The following PAQR8 variants were observed in gnomAD, a reference collection of about 807,000 sequenced individuals.
The protein encoded by PAQR8 is membrane progestin receptor beta.
In PAQR8, 17 loss-of-function variants were observed where a neutral mutation model predicts 25.2. That is an observed-to-expected ratio of 0.67 (90% confidence interval 0.46 to 1.01). PAQR8 has a LOEUF of 1.01. Ranked by LOEUF, PAQR8 falls within the 50% of genes least tolerant of loss-of-function variation. The probability of loss-of-function intolerance (pLI) is 0.00; values close to 1 mark genes in which losing one functional copy is unlikely to be tolerated. For synonymous variants in PAQR8, 204 were observed against 190.6 expected, an observed-to-expected ratio of 1.07 and a Z score of -0.58; for missense variants, 392 against 448.4, an observed-to-expected ratio of 0.87 and a Z score of 1.14.
intron 1 of PAQR8, among the ~76,000 whole-genome samples, chr6:52,376,731 A>G (rs1163213292): frequency 6.6e-6 from 1 of 152,190 alleles, no homozygotes; most frequent in Non-Finnish European, 1.5e-5. Context: ...CTTCTGGCTT[A>G]CTGTTGTTCT....
At chr6:52,396,167 C>T (rs1763765051) in intron 1 of PAQR8, among the ~76,000 whole-genome samples, 1 of 152,204 alleles carries the variant, frequency 6.6e-6, no homozygotes, top group Non-Finnish European at 1.5e-5. Context: ...ACGAACCCAG[C>T]TCCATGAATG....
chr6:52,399,007 G>C (rs559987756), intron 1 of PAQR8, among the ~76,000 whole-genome samples: 2 of 152,214 alleles, frequency 1.3e-5, no homozygotes, highest in African/African-American at 4.8e-5. Flanking sequence ...CACACTCCAG[G>C]GGGTGGAGTT....
chr6:52,371,417 A>G (rs1052520010), intron 1 of PAQR8, among the ~76,000 whole-genome samples: 1 of 152,148 alleles, frequency 6.6e-6, no homozygotes, highest in Non-Finnish European at 1.5e-5. Flanking sequence ...TTTACTGTCT[A>G]TAAAAGAAGC....
chr6:52,383,840 A>C (rs1458498092), intron 1 of PAQR8, among the ~76,000 whole-genome samples: 1 of 152,136 alleles, frequency 6.6e-6, no homozygotes, highest in Non-Finnish European at 1.5e-5. Flanking sequence ...CAGGAATGTA[A>C]GCTTTAGTTG....
At chr6:52,395,204 C>G (rs1367045682) in intron 1 of PAQR8, among the ~76,000 whole-genome samples, 2 of 140,856 alleles carry the variant, frequency 1.4e-5, no homozygotes, top group African/African-American at 5.3e-5. Context: ...ACCCGGGAGG[C>G]GGAGGTTGCA....
chr6:52,364,090 T>TC (rs975046452), intron 1 of PAQR8, among the ~76,000 whole-genome samples: 3 of 143,762 alleles, frequency 2.1e-5, no homozygotes, highest in African/African-American at 7.7e-5. Context: ...TATGTTTTTT[T>TC]TTTTTTTTTT....
chr6:52,379,700 C>T (rs575089334), intron 1 of PAQR8, among the ~76,000 whole-genome samples: 8 of 147,020 alleles, frequency 5.4e-5, no homozygotes, highest in Non-Finnish European at 1.0e-4. Flanking sequence ...GATCTCGGCT[C>T]ACTGCGAGCT....
chr6:52,382,148 A>G (rs959118537), intron 1 of PAQR8, among the ~76,000 whole-genome samples: 5 of 152,226 alleles, frequency 3.3e-5, no homozygotes, highest in South Asian at 2.1e-4. Flanking sequence ...CTACAGAACA[A>G]GGTTGTATAT....
chr6:52,369,367 T>C (rs1203815167), intron 1 of PAQR8, among the ~76,000 whole-genome samples: 1 of 152,000 alleles, frequency 6.6e-6, no homozygotes, highest in Non-Finnish European at 1.5e-5. Context: ...ACAGTAGAGG[T>C]GGTGACATTT....
chr6:52,399,226 G>A (rs1401600082), intron 1 of PAQR8, among the ~76,000 whole-genome samples: 1 of 152,076 alleles, frequency 6.6e-6, no homozygotes, highest in Non-Finnish European at 1.5e-5. Context: ...ATAATTTCCA[G>A]AAAATAACTT....
chr6:52,385,435 C>G lies in PAQR8; in HGVS notation c.-52-17727C>G, dbSNP rs146456050. ...AATAGACTAATACAATGTAAGACCTCAAACTATAAACATCCTTCAAGAAAA... is the reference window on the plus strand; with the variant it reads ...AATAGACTAATACAATGTAAGACCTGAAACTATAAACATCCTTCAAGAAAA... On this transcript the variant is annotated intron_variant, in intron 1 of 1. Transcript: ENST00000442253. 2.3e-3 allele frequency among the ~76,000 whole-genome samples: 355 copies of G among 152,300 alleles called. 3 individuals are homozygous for G. The highest frequency in any genetic ancestry group is 4.8e-3 in the Admixed American group (73 of 15,302).
At chr6:52,364,926 T>C (rs991049738) in intron 1 of PAQR8, among the ~76,000 whole-genome samples, 5 of 152,210 alleles carry the variant, frequency 3.3e-5, no homozygotes, top group African/African-American at 1.2e-4. Context: ...CTTAACTACT[T>C]TGAAGCACAA....
In PAQR8 at chr6:52,404,935, G is replaced by A. The variant is rs80028877; in HGVS notation, c.*657G>A. The A allele has an allele frequency of 6.0e-6, 1 of 167,010 alleles. No homozygotes were observed. The highest frequency in any genetic ancestry group is 1.5e-5 in the Non-Finnish European group (1 of 68,238). 10.3% of individuals were successfully genotyped at this position (167,010 alleles called of 1,614,324 possible). On this transcript the variant is annotated 3_prime_UTR_variant, in exon 2 of 2. Transcript: ENST00000442253. ...CCTTGCATGGTAATATAAAGGACTA[G>A]GAAGCAGTCATACTTCCAGGAAATG...
At position 52,407,678 on chromosome 6, in the gene PAQR8, C is replaced by CAAAAA. The variant is rs5876275; in HGVS notation, c.*3428_*3432dup. On this transcript the variant is annotated 3_prime_UTR_variant, in exon 2 of 2. Transcript: ENST00000442253. ...TTGGTCTTGTGTTTTGCTTGCTTGG[C>CAAAAA]AAAAAAAAAAAAAAAAAAAAAAAAA... 1.3e-3 allele frequency: 98 copies of CAAAAA among 72,818 alleles called. 8 individuals are homozygous for CAAAAA. The highest frequency in any genetic ancestry group is 8.6e-3 in the East Asian group (17 of 1,984). 4.5% of individuals were successfully genotyped at this position (72,818 alleles called of 1,614,324 possible). A position where few individuals can be genotyped will look rare whatever the true frequency, so the allele number is the denominator to read the frequency against.
At chr6:52,392,397 A>G (rs1404262049) in intron 1 of PAQR8, among the ~76,000 whole-genome samples, 1 of 151,682 alleles carries the variant, frequency 6.6e-6, no homozygotes, top group Non-Finnish European at 1.5e-5. Context: ...AAACATTGGG[A>G]CTTCTAATTT....
rs1189258087 is a variant in PAQR8, at chr6:52,405,856, G to GA, written c.*1584dup. ...TTTCTGTTCTGGGTTATTGGGATAA[G>GA]AAAAAATATATATTGCTCTTCAACT... On this transcript the variant is annotated 3_prime_UTR_variant, in exon 2 of 2. Transcript: ENST00000442253. The GA allele has an allele frequency of 6.0e-6, 1 of 167,022 alleles. No homozygotes were observed. The highest frequency in any genetic ancestry group is 2.4e-5 in the African/African-American group (1 of 41,550). 10.3% of individuals were successfully genotyped at this position (167,022 alleles called of 1,614,324 possible).
chr6:52,390,676 A>G (rs1168164557), intron 1 of PAQR8, among the ~76,000 whole-genome samples: 3 of 152,168 alleles, frequency 2.0e-5, no homozygotes, highest in African/African-American at 7.2e-5. Flanking sequence ...ATCTAAGAGA[A>G]CATCTTTGCT....
At chr6:52,400,996 C>G (rs1763823569) in intron 1 of PAQR8, among the ~76,000 whole-genome samples, 1 of 152,194 alleles carries the variant, frequency 6.6e-6, no homozygotes, top group Non-Finnish European at 1.5e-5. Flanking sequence ...TTTAGACCCT[C>G]TCATTTAACT....
At chr6:52,389,947 C>G (rs749445482) in intron 1 of PAQR8, among the ~76,000 whole-genome samples, 1 of 152,166 alleles carries the variant, frequency 6.6e-6, no homozygotes, top group Non-Finnish European at 1.5e-5. Context: ...TGAAGCCAAA[C>G]CACACCTAAC....
Sources: allele counts gnomAD v4.1 joint callset (sites outside exome capture counted in the v4.1 genomes callset), GRCh38; gene constraint gnomAD v4.1.1; transcripts MANE v1.5; gene names NCBI Gene and HGNC (gene_info 2026-07-23, HGNC 2026-07-21).